DMPK: variants seen among roughly 807,000 people sequenced by gnomAD.
DMPK encodes myotonin-protein kinase.
Under a neutral mutation model 70.3 loss-of-function variants are expected in DMPK, and 32 were observed. The ratio of observed to expected loss-of-function variants is 0.46; its 90% confidence interval spans 0.34 to 0.61. The LOEUF (loss-of-function observed/expected upper bound fraction) is 0.61, where lower values mean the gene tolerates loss of function less well. Ranked by LOEUF, DMPK falls within the 20% of genes least tolerant of loss-of-function variation. The pLI, the probability that DMPK is intolerant of heterozygous loss-of-function variation, is 0.01. For synonymous variants in DMPK, 469 were observed against 390.9 expected (o/e 1.20, Z -2.36); for missense variants, 899 against 886.0 (o/e 1.01, Z -0.19).
At chr19:45,782,104 G>GGCC in intron 1 of DMPK, 89 bp downstream of exon 1, 18 of 722,484 alleles carry the variant, frequency 2.5e-5, no homozygotes, top group East Asian at 1.3e-4. Flanking sequence ...CTGCCATCCT[G>GGCC]CCCCCCCAAC....
chr19:45,780,025 G>C, intron 1 of DMPK, 156 bp from the exon 2 acceptor site: 1 of 1,550,160 alleles, frequency 6.5e-7, no homozygotes. Context: ...CATAAACACC[G>C]TGTAAGGTTC....
chr19:45,773,283 C>T (rs1038576565), intron 9 of DMPK, among the ~76,000 whole-genome samples: 19 of 152,206 alleles, frequency 1.2e-4, no homozygotes, highest in Admixed American at 3.9e-4. Flanking sequence ...TGTGGGAACA[C>T]GGCTCAGGAC....
Position 45,782,189 on chromosome 19 carries a change from T to C in DMPK, c.160+4A>G. ...CTGCAGGAGCCCCGAGGGTAGGCAC[T>C]CACCCCACTGCAAGAAGTCGGCCAC... On this transcript the variant is annotated splice_donor_region_variant and intron_variant, in intron 1 of 14. Transcript: ENST00000291270. The C allele has an allele frequency of 5.1e-6, 5 of 976,794 alleles. No homozygotes were observed. The highest frequency in any genetic ancestry group is 3.2e-5 in the Admixed American group (1 of 30,890). 60.5% of individuals were successfully genotyped at this position (976,794 alleles called of 1,614,324 possible). A position where few individuals can be genotyped will look rare whatever the true frequency, so the allele number is the denominator to read the frequency against.
intron 1 of DMPK, chr19:45,780,514 A>G: frequency 1.8e-6 from 2 of 1,085,728 alleles, no homozygotes; most frequent in Non-Finnish European, 2.3e-6. Context: ...ACAGATGACA[A>G]TCAGGCCTCT....
chr19:45,782,464 G>C lies in DMPK; in HGVS notation c.-112C>G, dbSNP rs1237929101. 2 of 1,227,416 alleles carry C rather than the reference G, an allele frequency of 1.6e-6. No individual in the cohort carries two copies. The highest frequency in any genetic ancestry group is 3.0e-5 in the Admixed American group (1 of 33,186). The allele number at this position is 1,227,416 out of a possible 1,614,324, so 76.0% of individuals were successfully genotyped here. On this transcript the variant is annotated 5_prime_UTR_variant, in exon 1 of 15. Coordinates refer to ENST00000291270, the MANE Select transcript of DMPK (RefSeq NM_004409.5). ...TGGAGCCCTGGCTGCATGTCTGCCT[G>C]TCCCTGGCTGTCCCCTGGGCCTCTC...
chr19:45,778,792 A>T, intron 4 of DMPK, 151 bp from the exon 5 acceptor site: 2 of 807,502 alleles, frequency 2.5e-6, no homozygotes, highest in East Asian at 2.7e-5. Context: ...TGCCGGGCCA[A>T]ATCAGAGACC....
In DMPK at chr19:45,770,354, C is replaced by G. The variant is rs963795985; in HGVS notation, c.*134G>C. Reference sequence around the variant, plus strand: ...CGGCCGCTAGGGGGCGGGCCCGGATCACAGGACTGGAGCTGGGCGGAGACC... The same window carrying G: ...CGGCCGCTAGGGGGCGGGCCCGGATGACAGGACTGGAGCTGGGCGGAGACC... On this transcript the variant is annotated 3_prime_UTR_variant, in exon 15 of 15. Transcript: ENST00000291270. 62 of 1,266,202 alleles carry G rather than the reference C, an allele frequency of 4.9e-5. No homozygotes were observed. The Admixed American group carries it at 1.2e-3, about 24-fold the overall frequency. 78.4% of individuals were successfully genotyped at this position (1,266,202 alleles called of 1,614,324 possible).
chr19:45,782,159 C>G, intron 1 of DMPK, 34 bp downstream of exon 1: 1 of 1,345,448 alleles, frequency 7.4e-7, no homozygotes, highest in Non-Finnish European at 1.0e-6. Flanking sequence ...CCACCCCCAC[C>G]CCATCTGCAG....
Position 45,771,022 on chromosome 19 carries a change from C to G in DMPK, c.1686G>C (p.Pro562=), listed in dbSNP as rs555861834. ...GPPAVAVGQC[P]LVGPGPMHRR... is the part of the protein sequence containing the mutation. ...GGTGCATGGGGCCTGGCCCCACCAGCGGGCACTGGCCCACAGCCACGGCCG... is the reference window on the plus strand; with the variant it reads ...GGTGCATGGGGCCTGGCCCCACCAGGGGGCACTGGCCCACAGCCACGGCCG... Residue 562 remains proline (P), a synonymous_variant, in exon 14 of 15, where the codon CCG becomes CCC. Coordinates refer to ENST00000291270, the MANE Select transcript of DMPK (RefSeq NM_004409.5). The G allele has an allele frequency of 3.4e-6, 5 of 1,482,078 alleles. No homozygotes were observed. In the African/African-American group the frequency reaches 5.7e-5, roughly 17 times the overall value. The allele number at this position is 1,482,078 out of a possible 1,614,324, so 91.8% of individuals were successfully genotyped here.
At chr19:45,770,669 G>A (rs1438308539) in intron 14 of DMPK, 29 bp from the exon 15 acceptor site, 42 of 1,546,850 alleles carry the variant, frequency 2.7e-5, no homozygotes, top group Non-Finnish European at 3.6e-5. Context: ...GTCAACACCC[G>A]GCATGGGCCT....
At chr19:45,782,138 T>A in intron 1 of DMPK, 55 bp downstream of exon 1, 6 of 436,598 alleles carry the variant, frequency 1.4e-5, no homozygotes, top group East Asian at 7.0e-5. Flanking sequence ...TGCCCAGACC[T>A]GTCTCCTGCC....
At chr19:45,781,043 T>C (rs1970088397) in intron 1 of DMPK, among the ~76,000 whole-genome samples, 1 of 152,158 alleles carries the variant, frequency 6.6e-6, no homozygotes, top group East Asian at 1.9e-4. Flanking sequence ...AGAAGGTTTT[T>C]CCAGAGGCTG....
rs371072226 is a variant in DMPK, at chr19:45,778,216, T to C, written c.586A>G (p.Ile196Val). 25 of 1,613,216 alleles carry C rather than the reference T, an allele frequency of 1.5e-5. No homozygotes were observed. The highest frequency in any genetic ancestry group is 1.6e-5 in the Non-Finnish European group (19 of 1,179,630). Residue 196 changes from isoleucine (I) to valine (V), a missense_variant, in exon 6 of 15, where the codon ATC becomes GTC. By Grantham distance (29) the Ile-to-Val change is conservative (BLOSUM62 3). Transcript: ENST00000291270. The stretch of plus-strand genomic sequence containing the variant: ...TCCAGCAGGATGTTGTCGGGTTTGA[T>C]GTCCCTGCACGGAGGAAAAGAGAAG... Reference protein sequence around the residue: ...VHRLGYVHRDIKPDNILLDRC... With the variant: ...VHRLGYVHRDVKPDNILLDRC...
At chr19:45,772,496 C>G in intron 10 of DMPK, 145 bp downstream of exon 10, 1 of 546,474 alleles carries the variant, frequency 1.8e-6, no homozygotes. Flanking sequence ...CGTCCCATGT[C>G]TGAAGTAACC....
intron 9 of DMPK, among the ~76,000 whole-genome samples, chr19:45,773,375 A>T (rs1231490656): frequency 3.3e-5 from 5 of 152,212 alleles, no homozygotes; most frequent in African/African-American, 1.2e-4. Context: ...GCAGCGGTTC[A>T]GAATCAAGCT....
intron 5 of DMPK, 121 bp from the exon 6 acceptor site, chr19:45,778,341 G>A: frequency 6.6e-6 from 9 of 1,358,790 alleles, no homozygotes; most frequent in Non-Finnish European, 9.2e-6. Flanking sequence ...CCCCTGTAGG[G>A]CTTCTACAGT....
At chr19:45,775,324 C>G (rs967684330) in intron 8 of DMPK, 5 of 289,630 alleles carry the variant, frequency 1.7e-5, no homozygotes, top group Non-Finnish European at 3.3e-5. Context: ...CCCTCTACCA[C>G]GCCTGGCTAA....
chr19:45,777,503 G>T lies in DMPK; in HGVS notation c.970C>A (p.Arg324=), dbSNP rs1339505155. ...IQRLLCPPET[R]LGRGGAGDFR... is the part of the protein sequence containing the mutation. ...TCGCCTGCTCCACCCCGGCCCAGCC[G>T]TGTCTCCGGGGGACACAGCAACCGC... Residue 324 remains arginine (R), a synonymous_variant, in exon 8 of 15, where the codon CGG becomes AGG. Transcript: ENST00000291270. The surrounding 1 kb of genome is among the most constrained non-coding windows in gnomAD (Gnocchi z 6.7). 6.2e-7 allele frequency: 1 copy of T among 1,613,550 alleles called. No homozygotes were observed. The highest frequency in any genetic ancestry group is 8.5e-7 in the Non-Finnish European group (1 of 1,180,032).
Position 45,777,480 on chromosome 19 carries a change from G to A in DMPK, c.993C>T (p.Gly331=), listed in dbSNP as rs761285661. ...AGAAGAAGGGATGTGTCCGGAAGTC[G>A]CCTGCTCCACCCCGGCCCAGCCGTG... ...PETRLGRGGA[G]DFRTHPFFFG... The change falls in exon 8 of 15, where the codon GGC becomes GGT. Residue 331 remains glycine (G), a synonymous_variant. Transcript: ENST00000291270. The surrounding 1 kb of genome is among the most constrained non-coding windows in gnomAD (Gnocchi z 6.7). 1.9e-5 allele frequency: 30 copies of A among 1,613,276 alleles called. No individual in the cohort carries two copies. In the Admixed American group the frequency reaches 4.3e-4, roughly 23 times the overall value.
Sources: allele counts gnomAD v4.1 joint callset (sites outside exome capture counted in the v4.1 genomes callset), GRCh38; gene constraint gnomAD v4.1.1; non-coding constraint Gnocchi (gnomAD v3.1); transcripts MANE v1.5; gene names NCBI Gene and HGNC (gene_info 2026-07-23, HGNC 2026-07-21).